Variants in SH2D3A observed in about 807,000 individuals in gnomAD.
SH2D3A encodes the protein SH2 domain containing 3A, also known as SH2 domain-containing protein 3A.
In SH2D3A, 46 loss-of-function variants were observed where a neutral mutation model predicts 50.6. The observed-to-expected ratio is 0.91, with a 90% CI of 0.72 to 1.16. The LOEUF (loss-of-function observed/expected upper bound fraction) is 1.16. Ranked by LOEUF, SH2D3A falls within the 50% of genes most tolerant of loss-of-function variation. The pLI, the probability that SH2D3A is intolerant of heterozygous loss-of-function variation, is 0.00. For synonymous variants in SH2D3A, 377 were observed against 348.4 expected (o/e 1.08, Z -0.91); for missense variants, 783 against 786.2 (o/e 1.00, Z 0.05).
chr19:6,759,707 C>A (rs751477358), intron 3 of SH2D3A, 37 bp from the exon 4 acceptor site: 83 of 1,593,616 alleles, frequency 5.2e-5, no homozygotes, highest in East Asian at 1.3e-4. Context: ...GTAGTCCCCA[C>A]CTAAGCAGTG....
intron 1 of SH2D3A, among the ~76,000 whole-genome samples, 158 bp downstream of exon 1, chr19:6,767,229 C>G (rs1342946518): frequency 6.6e-6 from 1 of 152,162 alleles, no homozygotes; most frequent in Non-Finnish European, 1.5e-5. Flanking sequence ...CAGGTGAGCC[C>G]GAGCACACCG....
At position 6,752,505 on chromosome 19, in the gene SH2D3A, C is replaced by G; in HGVS notation, c.*88G>C. ...GCACAGGGCAGGATTCCACCTGAGG[C>G]GCGAGGAGCCTGGGACGACTCCTTT... On this transcript the variant is annotated 3_prime_UTR_variant, in exon 10 of 10. Transcript: ENST00000245908. 4 of 1,263,638 alleles carry G rather than the reference C, an allele frequency of 3.2e-6. No homozygotes were observed. Among genetic ancestry groups the G allele is most frequent in the Non-Finnish European group, 3.1e-6 (3 of 956,786 alleles). 78.3% of individuals were successfully genotyped at this position (1,263,638 alleles called of 1,614,324 possible). A position where few individuals can be genotyped will look rare whatever the true frequency, so the allele number is the denominator to read the frequency against.
chr19:6,755,240 A>G lies in SH2D3A; in HGVS notation c.572T>C (p.Leu191Pro), dbSNP rs952136049. ...DPVLLKAPAPLGTVADSLRAS... is the reference protein window; with the variant it reads ...DPVLLKAPAPPGTVADSLRAS... ...CCTGAGACTGTCGGCAACAGTTCCC[A>G]GGGGAGCAGGGGCCTTCAGCAACAC... Residue 191 changes from leucine (L) to proline (P), a missense_variant, in exon 5 of 10, where the codon CTG becomes CCG. Coordinates refer to ENST00000245908, the MANE Select transcript of SH2D3A (RefSeq NM_005490.3). 5 of 1,533,404 alleles carry G rather than the reference A, an allele frequency of 3.3e-6. No homozygotes were observed. The African/African-American group carries it at 4.1e-5, about 13-fold the overall frequency. 95.0% of individuals were successfully genotyped at this position (1,533,404 alleles called of 1,614,324 possible).
chr19:6,760,555 CAA>C (rs137939721), intron 3 of SH2D3A, 81 bp downstream of exon 3: 4,866 of 984,534 alleles, frequency 4.9e-3, no homozygotes, highest in South Asian at 6.1e-3. Flanking sequence ...GAGACTCAGT[CAA>C]AAAAAAAAAA....
chr19:6,752,531 G>A lies in SH2D3A; in HGVS notation c.*62C>T. The A allele has an allele frequency of 1.4e-6, 2 of 1,397,570 alleles. No individual in the cohort carries two copies. The highest frequency in any genetic ancestry group is 3.0e-5 in the South Asian group (2 of 67,096). The allele number at this position is 1,397,570 out of a possible 1,614,324, so 86.6% of individuals were successfully genotyped here. On this transcript the variant is annotated 3_prime_UTR_variant, in exon 10 of 10. Transcript: ENST00000245908. ...GCGAGGAGCCTGGGACGACTCCTTT[G>A]GTCTCTTCTGGGGTTCGCAAAAACC...
Position 6,760,959 on chromosome 19 carries a change from C to T in SH2D3A, c.98G>A (p.Gly33Asp). The change falls in exon 3 of 10, where the codon GGC becomes GAC. Residue 33 changes from glycine (G) to aspartate (D), a missense_variant. Transcript: ENST00000245908. ...QKAEALLQQN[G>D]DFLVRASGSR... ...CCCAGAGGCGCGAACCAGGAAGTCG[C>T]CATTTTGCTGAAGAAGAGCTTCAGC... 1 of 1,612,176 alleles carries T rather than the reference C, an allele frequency of 6.2e-7. No individual in the cohort carries two copies.
chr19:6,759,684 G>A lies in SH2D3A; in HGVS notation c.420-14C>T. ...CACTTCCTTGCCCTGGGGGACAGAA[G>A]TGGGAGAAACCTGTAGTCCCCACCT... is the stretch of plus-strand genomic sequence containing the variant. On this transcript the variant is annotated splice_polypyrimidine_tract_variant and intron_variant, in intron 3 of 9. Coordinates refer to ENST00000245908, the MANE Select transcript of SH2D3A (RefSeq NM_005490.3). 6.2e-7 allele frequency: 1 copy of A among 1,613,344 alleles called. No individual in the cohort carries two copies. The highest frequency in any genetic ancestry group is 8.5e-7 in the Non-Finnish European group (1 of 1,179,498).
At position 6,754,096 on chromosome 19, in the gene SH2D3A, T is replaced by A; in HGVS notation, c.1340A>T (p.Glu447Val). The A allele has an allele frequency of 6.2e-7, 1 of 1,613,158 alleles. No homozygotes were observed. Among genetic ancestry groups the A allele is most frequent in the Non-Finnish European group, 8.5e-7 (1 of 1,179,588 alleles). Residue 447 changes from glutamate (E) to valine (V), a missense_variant, in exon 8 of 10, where the codon GAG becomes GTG. Glu to Val is a moderately radical substitution (Grantham distance 121, BLOSUM62 -2). Transcript: ENST00000245908. ...RSHTEAALAF[E>V]QELKPLMRAL... is the part of the protein sequence containing the mutation. ...CCGCATCAGCGGCTTCAGCTCCTGC[T>A]CAAAGGCCAGCGCAGCCTCCGTGTG...
In SH2D3A at chr19:6,760,974, A is replaced by G. The variant is rs201681732; in HGVS notation, c.83T>C (p.Leu28Pro). Residue 28 changes from leucine (L) to proline (P), a missense_variant, in exon 3 of 10, where the codon CTT (leucine) becomes CCT (proline). By Grantham distance (98) the Leu-to-Pro change is moderately conservative. Transcript: ENST00000245908. ...GLLSRQKAEA[L>P]LQQNGDFLVR... ...CAGGAAGTCGCCATTTTGCTGAAGA[A>G]GAGCTTCAGCCTTCTGTGGATGAAG... The G allele has an allele frequency of 7.8e-5, 125 of 1,610,392 alleles. No individual in the cohort carries two copies. The Admixed American group carries it at 2.1e-3, about 27-fold the overall frequency.
Position 6,752,703 on chromosome 19 carries a change from G to C in SH2D3A, c.1621C>G (p.Arg541Gly). ...CCCCGGCTACCCCAGAGCAGCCTCCGCACGAAGCCGGTGGTCAGGGCCTCC... is the reference window on the plus strand; with the variant it reads ...CCCCGGCTACCCCAGAGCAGCCTCCCCACGAAGCCGGTGGTCAGGGCCTCC... ...LREALTTGFV[R>G]RLLWGSRGAG... Residue 541 changes from arginine to glycine, a missense_variant, in exon 10 of 10, where the codon CGG becomes GGG. Physicochemically the swap from Arg to Gly is moderately radical, Grantham distance 125. Coordinates refer to ENST00000245908, the MANE Select transcript of SH2D3A (RefSeq NM_005490.3). 1.9e-6 allele frequency: 3 copies of C among 1,552,344 alleles called. No homozygotes were observed. The highest frequency in any genetic ancestry group is 2.6e-6 in the Non-Finnish European group (3 of 1,147,604).
chr19:6,761,181 C>T (rs1969997123), intron 2 of SH2D3A, 194 bp from the exon 3 acceptor site: 1 of 584,814 alleles, frequency 1.7e-6, no homozygotes, highest in Admixed American at 3.1e-5. Flanking sequence ...ACTACATTTC[C>T]CAGGTTCCCT....
rs768458177 is a variant in SH2D3A at position 6,754,250 on chromosome 19, C to G, written c.1272+1G>C. On this transcript the variant is annotated splice_donor_variant, in intron 7 of 9. Coordinates refer to ENST00000245908, the MANE Select transcript of SH2D3A (RefSeq NM_005490.3). LOFTEE classifies it high-confidence loss of function. ...TCCTCCAGTCCCTGCTCCCCACGAA[C>G]CTGGGGCATGAGCAGGGCGCCCATG... 23 of 1,600,526 alleles carry G rather than the reference C, an allele frequency of 1.4e-5. No individual in the cohort carries two copies.
Position 6,755,184 on chromosome 19 carries a change from G to C in SH2D3A, c.628C>G (p.Pro210Ala). The change falls in exon 5 of 10, where the codon CCA (proline) becomes GCA (alanine). Residue 210 changes from proline to alanine, a missense_variant. Coordinates refer to ENST00000245908, the MANE Select transcript of SH2D3A (RefSeq NM_005490.3). ...GAGGGTGTCCGGGGGGGCTTCGTTGGTGCCTTGGCTTGAAGCTGCCCATCG... is the reference window on the plus strand; with the variant it reads ...GAGGGTGTCCGGGGGGGCTTCGTTGCTGCCTTGGCTTGAAGCTGCCCATCG... ...ASDGQLQAKA[P>A]TKPPRTPSFE... 1 of 1,595,246 alleles carries C rather than the reference G, an allele frequency of 6.3e-7. No homozygotes were observed. The highest frequency in any genetic ancestry group is 8.6e-7 in the Non-Finnish European group (1 of 1,168,722).
At position 6,754,922 on chromosome 19, in the gene SH2D3A, A is replaced by G; in HGVS notation, c.890T>C (p.Leu297Pro). The G allele has an allele frequency of 6.2e-7, 1 of 1,612,136 alleles. No individual in the cohort carries two copies. The highest frequency in any genetic ancestry group is 8.5e-7 in the Non-Finnish European group (1 of 1,178,786). Residue 297 changes from leucine to proline, a missense_variant, in exon 5 of 10, where the codon CTG (leucine) becomes CCG (proline). Physicochemically the swap from Leu to Pro is moderately conservative, Grantham distance 98. Coordinates refer to ENST00000245908, the MANE Select transcript of SH2D3A (RefSeq NM_005490.3). ...SCLLGPQNRPLEPQVLHTLRG... is the reference protein window; with the variant it reads ...SCLLGPQNRPPEPQVLHTLRG... ...GAGGGTATGCAGGACTTGGGGTTCC[A>G]GGGGCCGATTCTGGGGGCCCAGCAG...
chr19:6,759,898 C>T (rs760053788), intron 3 of SH2D3A, among the ~76,000 whole-genome samples: 7 of 152,272 alleles, frequency 4.6e-5, no homozygotes, highest in Non-Finnish European at 1.0e-4. Context: ...CTATGATGCA[C>T]AGGACATCTC....
Position 6,755,170 on chromosome 19 carries a change from G to A in SH2D3A, c.642C>T (p.Pro214=). The A allele has an allele frequency of 6.2e-7, 1 of 1,602,254 alleles. No homozygotes were observed. The highest frequency in any genetic ancestry group is 8.5e-7 in the Non-Finnish European group (1 of 1,172,382). The stretch of plus-strand genomic sequence containing the variant: ...CAGGCAGTTCGAAGGAGGGTGTCCG[G>A]GGGGGCTTCGTTGGTGCCTTGGCTT... ...QLQAKAPTKP[P]RTPSFELPDA... Residue 214 remains proline (P), a synonymous_variant, in exon 5 of 10, where the codon CCC becomes CCT. Transcript: ENST00000245908.
chr19:6,767,187 C>T lies in SH2D3A; in HGVS notation c.-69+200G>A, dbSNP rs1036140404. The stretch of plus-strand genomic sequence containing the variant: ...AAAATGGAAACAATGGCTTTCTGTG[C>T]TGCACAGGAAATACACTTAGAGAGG... On this transcript the variant is annotated intron_variant, in intron 1 of 9. Coordinates refer to ENST00000245908, the MANE Select transcript of SH2D3A (RefSeq NM_005490.3). Among the ~76,000 whole-genome samples, 4 of 152,172 alleles carry T rather than the reference C, an allele frequency of 2.6e-5. No individual in the cohort carries two copies. The East Asian group carries it at 7.7e-4, about 29-fold the overall frequency.
intron 1 of SH2D3A, among the ~76,000 whole-genome samples, chr19:6,765,000 C>T (rs1451630638): frequency 6.6e-6 from 1 of 150,620 alleles, no homozygotes; most frequent in Non-Finnish European, 1.5e-5. Context: ...GCATCGGCCT[C>T]CTCAGTAGCT....
At chr19:6,760,615 G>C in intron 3 of SH2D3A, 23 bp downstream of exon 3, 1 of 1,508,832 alleles carries the variant, frequency 6.6e-7, no homozygotes. Flanking sequence ...GTGTTCTCAA[G>C]GAGGCAGGGA....
Sources: allele counts gnomAD v4.1 joint callset (sites outside exome capture counted in the v4.1 genomes callset), GRCh38; gene constraint gnomAD v4.1.1; transcripts MANE v1.5; gene names NCBI Gene and HGNC (gene_info 2026-07-23, HGNC 2026-07-21).